HDLBP: variants seen among roughly 807,000 people sequenced by gnomAD.
HDLBP encodes the protein high density lipoprotein binding protein.
HDLBP carries 30 observed loss-of-function variants against 137.3 expected under a neutral mutation model. The observed-to-expected ratio is 0.22, with a 90% CI of 0.16 to 0.30. HDLBP has a LOEUF of 0.30. Among genes scored for constraint, HDLBP ranks in the 10% least tolerant of loss-of-function variants. The pLI is 1.00. For missense variants in HDLBP, 1,119 were observed against 1,667.3 expected (o/e 0.67, Z 5.73); for synonymous variants, 606 against 596.0 (o/e 1.02, Z -0.24).
intron 1 of HDLBP, among the ~76,000 whole-genome samples, chr2:241,314,334 T>TA (rs1307101063): frequency 6.6e-6 from 1 of 152,212 alleles, no homozygotes; most frequent in Non-Finnish European, 1.5e-5. Context: ...ATTAAGCTTA[T>TA]TATGCAATGT....
At chr2:241,289,438 G>T (rs1164699833) in intron 1 of HDLBP, among the ~76,000 whole-genome samples, 2 of 152,180 alleles carry the variant, frequency 1.3e-5, no homozygotes, top group Non-Finnish European at 2.9e-5. Flanking sequence ...ACATTAAACT[G>T]CACGAATACA....
chr2:241,253,549 C>T (rs2072373155), intron 9 of HDLBP, 52 bp from the exon 10 acceptor site: 1 of 1,250,902 alleles, frequency 8.0e-7, no homozygotes, highest in Non-Finnish European at 1.2e-6. Flanking sequence ...ACAGCTGCAG[C>T]CCCTGAGCTC....
intron 1 of HDLBP, among the ~76,000 whole-genome samples, chr2:241,310,485 A>G (rs911283480): frequency 3.3e-5 from 5 of 152,228 alleles, no homozygotes; most frequent in African/African-American, 1.2e-4. Flanking sequence ...TTTATTATTT[A>G]TTGTATCCAT....
intron 14 of HDLBP, 57 bp downstream of exon 14, chr2:241,247,946 G>A (rs572936275): frequency 9.1e-6 from 11 of 1,209,810 alleles, no homozygotes; most frequent in South Asian, 5.0e-5. Flanking sequence ...CTGACAGGAC[G>A]CATGCCCCAC....
chr2:241,266,664 G>A (rs1324058877), intron 3 of HDLBP, 130 bp downstream of exon 3: 34 of 687,108 alleles, frequency 4.9e-5, no homozygotes, highest in Non-Finnish European at 2.1e-5. Context: ...TGCACAAGAT[G>A]TTGGACCCTC....
chr2:241,300,032 T>C (rs2075335991), intron 1 of HDLBP, among the ~76,000 whole-genome samples: 1 of 152,232 alleles, frequency 6.6e-6, no homozygotes, highest in Admixed American at 6.5e-5. Flanking sequence ...TTCTAAAGTC[T>C]GTCACCCAAT....
At chr2:241,303,836 T>G (rs56052835) in intron 1 of HDLBP, among the ~76,000 whole-genome samples, 17,404 of 152,082 alleles carry the variant, frequency 0.11, 1,227 homozygotes, top group Admixed American at 0.16. Flanking sequence ...GGAGACGGAG[T>G]CTCACTCTGT....
chr2:241,250,702 C>T (rs1467099831), intron 11 of HDLBP: 1 of 152,296 alleles, frequency 6.6e-6, no homozygotes, highest in African/African-American at 2.4e-5. Flanking sequence ...TGCGTCCATC[C>T]CAAACACATG....
At chr2:241,288,238 T>C (rs1044341615) in intron 1 of HDLBP, among the ~76,000 whole-genome samples, 52 of 152,376 alleles carry the variant, frequency 3.4e-4, no homozygotes, top group African/African-American at 1.2e-3. Flanking sequence ...GCAAGACGTC[T>C]GAATTAAAAT....
At chr2:241,310,420 G>C (rs2075724507) in intron 1 of HDLBP, among the ~76,000 whole-genome samples, 1 of 152,290 alleles carries the variant, frequency 6.6e-6, no homozygotes, top group South Asian at 2.1e-4. Flanking sequence ...AATCTCATAT[G>C]CTTTCACCAC....
At position 241,239,336 on chromosome 2, in the gene HDLBP, C is replaced by T. The variant is rs966645792; in HGVS notation, c.2610+266G>A. Among the ~76,000 whole-genome samples, 1 of 151,570 alleles carries T rather than the reference C, an allele frequency of 6.6e-6. No individual in the cohort carries two copies. The highest frequency in any genetic ancestry group is 1.5e-5 in the Non-Finnish European group (1 of 67,878). On this transcript the variant is annotated intron_variant, in intron 19 of 27. Transcript: ENST00000310931. The surrounding 1 kb of genome is among the most constrained non-coding windows in gnomAD (Gnocchi z 4.6). ...TTTCTTTCTTTCTCTTGCTTTCTTTCCTCTCTCTCTCTCCCCTCTCCTCTT... is the reference window on the plus strand; with the variant it reads ...TTTCTTTCTTTCTCTTGCTTTCTTTTCTCTCTCTCTCTCCCCTCTCCTCTT...
chr2:241,243,795 A>T (rs918391239), intron 16 of HDLBP: 3 of 152,256 alleles, frequency 2.0e-5, no homozygotes, highest in Admixed American at 6.5e-5. Flanking sequence ...CAAGTCCTAA[A>T]AGGAGCAAAA....
At chr2:241,259,271 T>A (rs1175151047) in intron 5 of HDLBP, among the ~76,000 whole-genome samples, 2 of 152,046 alleles carry the variant, frequency 1.3e-5, no homozygotes, top group Non-Finnish European at 2.9e-5. Flanking sequence ...CAACAAAGGA[T>A]AAACCAGGAC....
chr2:241,269,820 T>G (rs1356454175), intron 1 of HDLBP, among the ~76,000 whole-genome samples: 1 of 152,140 alleles, frequency 6.6e-6, no homozygotes, highest in Non-Finnish European at 1.5e-5. Flanking sequence ...GGCAGGGCAC[T>G]CCAGGCTAAG....
chr2:241,315,189 G>A (rs536905720), intron 1 of HDLBP: 40 of 152,318 alleles, frequency 2.6e-4, no homozygotes, highest in African/African-American at 8.9e-4. Flanking sequence ...CCGGGCACAG[G>A]AAGGCCACGT....
intron 1 of HDLBP, among the ~76,000 whole-genome samples, chr2:241,299,661 A>G (rs182527886): frequency 2.0e-5 from 3 of 152,244 alleles, no homozygotes; most frequent in Admixed American, 2.0e-4. Flanking sequence ...CACGCCTGTA[A>G]TCCCAGCACT....
chr2:241,306,012 A>C (rs1460367109), intron 1 of HDLBP, among the ~76,000 whole-genome samples: 2 of 151,984 alleles, frequency 1.3e-5, no homozygotes, highest in Non-Finnish European at 2.9e-5. Context: ...CACCCACCTC[A>C]GCCTCCCAAA....
chr2:241,264,349 G>A (rs111879865), intron 4 of HDLBP, 99 bp downstream of exon 4: 13,026 of 816,106 alleles, frequency 0.016, 363 homozygotes, highest in African/African-American at 0.1. Context: ...GCGACAGAGC[G>A]GGACTCTGTC....
chr2:241,263,602 G>T (rs990658253), intron 4 of HDLBP, among the ~76,000 whole-genome samples: 10 of 152,042 alleles, frequency 6.6e-5, no homozygotes, highest in Non-Finnish European at 1.5e-4. Context: ...GGAAGGATTG[G>T]GATGCAACTG....
Sources: allele counts gnomAD v4.1 joint callset (sites outside exome capture counted in the v4.1 genomes callset), GRCh38; gene constraint gnomAD v4.1.1; non-coding constraint Gnocchi (gnomAD v3.1); transcripts MANE v1.5; gene names NCBI Gene and HGNC (gene_info 2026-07-23, HGNC 2026-07-21).